Variants in INPP5A observed in about 807,000 individuals in gnomAD.
INPP5A encodes inositol polyphosphate-5-phosphatase A, also known as 43 kDa inositol polyphosphate 5-phophatase.
Under a neutral mutation model 65.2 loss-of-function variants are expected in INPP5A, and 14 were observed. The observed-to-expected ratio is 0.21, with a 90% CI of 0.14 to 0.34. The LOEUF (loss-of-function observed/expected upper bound fraction) is 0.34. INPP5A is among the 10% of genes least tolerant of loss of function. The pLI is 1.00. For synonymous variants in INPP5A, 207 were observed against 208.3 expected (o/e 0.99, Z 0.05); for missense variants, 431 against 545.6 (o/e 0.79, Z 2.09).
intron 9 of INPP5A, among the ~76,000 whole-genome samples, chr10:132,746,212 C>T (rs1846369506): frequency 6.6e-6 from 1 of 152,244 alleles, no homozygotes; most frequent in Non-Finnish European, 1.5e-5. Context: ...CTGGAGGCTA[C>T]AGCCAGCGAG....
rs555304370 is a variant in INPP5A at position 132,782,544 on chromosome 10, G to C, written c.*515G>C. 7.7e-5 allele frequency: 12 copies of C among 155,862 alleles called. No individual in the cohort carries two copies. The highest frequency in any genetic ancestry group is 2.9e-4 in the African/African-American group (12 of 41,412). 9.7% of individuals were successfully genotyped at this position (155,862 alleles called of 1,614,324 possible). On this transcript the variant is annotated 3_prime_UTR_variant, in exon 16 of 16. Coordinates refer to ENST00000368594, the MANE Select transcript of INPP5A (RefSeq NM_005539.5). This position sits in a 1 kb window ranked among gnomAD's most constrained non-coding sequence, Gnocchi z 4.4. Reference sequence around the variant, plus strand: ...ATGCTCCTTCCGCGGCACTGACTCTGCGCCGTGTCACATGGTTTTTGAATC... The same window carrying C: ...ATGCTCCTTCCGCGGCACTGACTCTCCGCCGTGTCACATGGTTTTTGAATC...
In INPP5A at chr10:132,659,079, A is replaced by G. The variant is rs2072700667; in HGVS notation, c.306+8574A>G. 1.3e-5 allele frequency among the ~76,000 whole-genome samples: 2 copies of G among 152,150 alleles called. No homozygotes were observed. The highest frequency in any genetic ancestry group is 4.8e-5 in the African/African-American group (2 of 41,450). ...GGGCCCTGGGGATGAGCAGCCCAGG[A>G]GGCGAAGATGCCTAGGTGGGTCCCC... On this transcript the variant is annotated intron_variant, in intron 4 of 15. Coordinates refer to ENST00000368594, the MANE Select transcript of INPP5A (RefSeq NM_005539.5). This position sits in a 1 kb window ranked among gnomAD's most constrained non-coding sequence, Gnocchi z 5.5.
chr10:132,608,137 A>G (rs1008145923), intron 2 of INPP5A, among the ~76,000 whole-genome samples, 181 bp downstream of exon 2: 1 of 152,170 alleles, frequency 6.6e-6, no homozygotes, highest in Admixed American at 6.5e-5. Context: ...CAGTCGGTCC[A>G]CTGCCCGCCT....
At chr10:132,640,189 C>A (rs116895720) in intron 2 of INPP5A, among the ~76,000 whole-genome samples, 1 of 152,242 alleles carries the variant, frequency 6.6e-6, no homozygotes, top group African/African-American at 2.4e-5. Context: ...CGGTTCTCAG[C>A]ATGCACGCAT....
rs2072764624 is a variant in INPP5A, at chr10:132,663,614, A to T, written c.306+13109A>T. 6.6e-6 allele frequency among the ~76,000 whole-genome samples: 1 copy of T among 152,148 alleles called. No individual in the cohort carries two copies. The highest frequency in any genetic ancestry group is 2.1e-4 in the South Asian group (1 of 4,816). ...GTGATTTTGGTCGACGTTCACCTGT[A>T]CTTTCTCTGCACTCTGAGCCGGCAG... On this transcript the variant is annotated intron_variant, in intron 4 of 15. Transcript: ENST00000368594. This position sits in a 1 kb window ranked among gnomAD's most constrained non-coding sequence, Gnocchi z 4.5.
At chr10:132,654,831 G>A (rs538402490) in intron 4 of INPP5A, among the ~76,000 whole-genome samples, 2 of 152,242 alleles carry the variant, frequency 1.3e-5, no homozygotes, top group South Asian at 4.1e-4. Context: ...CGCCTGGCGC[G>A]TGAGCCTGTG....
At chr10:132,590,637 C>T (rs1590851373) in intron 1 of INPP5A, among the ~76,000 whole-genome samples, 1 of 152,210 alleles carries the variant, frequency 6.6e-6, no homozygotes, top group East Asian at 1.9e-4. Context: ...AGAATCACCG[C>T]ACCCCGTTGC....
chr10:132,597,612 G>A (rs914429542), intron 1 of INPP5A, among the ~76,000 whole-genome samples: 2 of 152,200 alleles, frequency 1.3e-5, no homozygotes, highest in Non-Finnish European at 2.9e-5. Context: ...ATGCAGAGCG[G>A]TTGTAAAAAC....
intron 3 of INPP5A, among the ~76,000 whole-genome samples, chr10:132,646,552 A>T (rs1479747050): frequency 6.6e-6 from 1 of 152,174 alleles, no homozygotes; most frequent in Admixed American, 6.5e-5. Context: ...GGGGCCTCCT[A>T]TAGGCTGTTG....
intron 12 of INPP5A, among the ~76,000 whole-genome samples, chr10:132,767,432 G>T (rs1385511402): frequency 6.6e-6 from 1 of 152,194 alleles, no homozygotes; most frequent in Non-Finnish European, 1.5e-5. Context: ...TTGGTGTCCA[G>T]GGGAAGTTTT....
chr10:132,648,729 C>T (rs946759103), intron 3 of INPP5A, among the ~76,000 whole-genome samples: 6 of 152,154 alleles, frequency 3.9e-5, no homozygotes, highest in African/African-American at 1.4e-4. Context: ...TTGTTGCTGG[C>T]GAGAATCTCG....
At chr10:132,760,569 C>T (rs977305799) in intron 11 of INPP5A, among the ~76,000 whole-genome samples, 39 of 152,384 alleles carry the variant, frequency 2.6e-4, no homozygotes, top group African/African-American at 8.7e-4. Context: ...TCATTAAGGA[C>T]GTGGCATCGG....
At chr10:132,646,206 G>A (rs918911753) in intron 3 of INPP5A, among the ~76,000 whole-genome samples, 5 of 152,222 alleles carry the variant, frequency 3.3e-5, no homozygotes, top group Non-Finnish European at 7.3e-5. Flanking sequence ...CACGGCGAGG[G>A]TCTGTGCTCT....
chr10:132,666,585 T>C (rs1315517296), intron 4 of INPP5A, among the ~76,000 whole-genome samples: 1 of 152,182 alleles, frequency 6.6e-6, no homozygotes, highest in African/African-American at 2.4e-5. Flanking sequence ...GCAGTGGGGC[T>C]CTCTTTCCTT....
chr10:132,548,242 G>A (rs2071003983), intron 1 of INPP5A, among the ~76,000 whole-genome samples: 1 of 152,170 alleles, frequency 6.6e-6, no homozygotes, highest in Admixed American at 6.5e-5. Context: ...CAATGCAGCT[G>A]GAAGGGAGTT....
At chr10:132,572,441 G>C (rs1477152500) in intron 1 of INPP5A, among the ~76,000 whole-genome samples, 2 of 152,168 alleles carry the variant, frequency 1.3e-5, no homozygotes, top group Admixed American at 6.5e-5. Flanking sequence ...GGGGCCTTTC[G>C]TAGGGCTGTG....
intron 2 of INPP5A, among the ~76,000 whole-genome samples, chr10:132,642,066 G>C (rs1488688475): frequency 6.6e-6 from 1 of 152,232 alleles, no homozygotes; most frequent in Non-Finnish European, 1.5e-5. Context: ...GACCACAGAA[G>C]AAAAGGAGGT....
Position 132,783,238 on chromosome 10 carries a change from TG to T in INPP5A, c.*1211del, listed in dbSNP as rs1261817321. 6.6e-6 allele frequency: 1 copy of T among 152,416 alleles called. No homozygotes were observed. Among genetic ancestry groups the T allele is most frequent in the Non-Finnish European group, 1.5e-5 (1 of 68,048 alleles). The allele number at this position is 152,416 out of a possible 1,614,324, so 9.4% of individuals were successfully genotyped here. The stretch of plus-strand genomic sequence containing the variant: ...TTACTTTAGAACACTACAGAGTTCC[TG>T]GACCGGGTGAAGGCATTAGCTGGGT... On this transcript the variant is annotated 3_prime_UTR_variant, in exon 16 of 16. Coordinates refer to ENST00000368594, the MANE Select transcript of INPP5A (RefSeq NM_005539.5).
intron 12 of INPP5A, among the ~76,000 whole-genome samples, chr10:132,766,872 G>C (rs911878656): frequency 6.6e-6 from 1 of 151,530 alleles, no homozygotes; most frequent in Non-Finnish European, 1.5e-5. Flanking sequence ...CAGGGAGCCT[G>C]GGTGGGAGCT....
Sources: gnomAD v4.1 joint callset for allele counts (sites outside exome capture counted in the v4.1 genomes callset) on GRCh38, gnomAD v4.1.1 for gene constraint, Gnocchi (gnomAD v3.1) non-coding constraint, MANE v1.5 for transcripts, NCBI Gene and HGNC (gene_info 2026-07-23, HGNC 2026-07-21) for gene names.